Variants in PSPC1 observed in about 807,000 individuals in gnomAD.
PSPC1 encodes the protein paraspeckle protein 1.
PSPC1 carries 14 observed loss-of-function variants against 51.6 expected under a neutral mutation model. That is an observed-to-expected ratio of 0.27 (90% CI 0.18 to 0.42). The LOEUF (loss-of-function observed/expected upper bound fraction) is 0.42. Ranked by LOEUF, PSPC1 falls within the 10% of genes least tolerant of loss-of-function variation. The pLI, the probability that PSPC1 is intolerant of heterozygous loss-of-function variation, is 1.00. For missense variants in PSPC1, 406 were observed against 701.1 expected, an observed-to-expected ratio of 0.58 and a Z score of 4.75; for synonymous variants, 193 against 231.9, an observed-to-expected ratio of 0.83 and a Z score of 1.53.
In PSPC1 at chr13:19,702,756, T is replaced by C. The variant is rs1371384613; in HGVS notation, c.*419A>G. On this transcript the variant is annotated 3_prime_UTR_variant, in exon 9 of 9. Transcript: ENST00000338910. ...CTATCTTTAGTGCTACTTGCGCAAA[T>C]TAAAAAGCAAAATCATTTTCATTTT... 1 of 168,446 alleles carries C rather than the reference T, an allele frequency of 5.9e-6. No homozygotes were observed. The allele number at this position is 168,446 out of a possible 1,614,324, so 10.4% of individuals were successfully genotyped here.
At chr13:19,713,781 G>A (rs1051868079) in intron 6 of PSPC1, among the ~76,000 whole-genome samples, 2 of 152,076 alleles carry the variant, frequency 1.3e-5, no homozygotes, top group Admixed American at 6.6e-5. Flanking sequence ...TCATTGCAGC[G>A]GTTCTTAACG....
At chr13:19,712,043 CA>C (rs1881510051) in intron 6 of PSPC1, among the ~76,000 whole-genome samples, 1 of 152,092 alleles carries the variant, frequency 6.6e-6, no homozygotes, top group Non-Finnish European at 1.5e-5. Context: ...TCAAAACACC[CA>C]AAATCTTCTA....
chr13:19,733,840 C>T (rs1884440554), intron 5 of PSPC1, among the ~76,000 whole-genome samples: 1 of 151,196 alleles, frequency 6.6e-6, no homozygotes, highest in Admixed American at 6.6e-5. Context: ...GTAGTCCCTG[C>T]TACTAGGGAG....
intron 6 of PSPC1, among the ~76,000 whole-genome samples, chr13:19,721,422 C>T (rs1442493466): frequency 6.6e-6 from 1 of 152,238 alleles, no homozygotes; most frequent in East Asian, 1.9e-4. Flanking sequence ...AAAAATCTTA[C>T]CATTCTGAAC....
downstream of PSPC1, among the ~76,000 whole-genome samples, chr13:19,699,217 T>C (rs1879621655): frequency 6.6e-6 from 1 of 151,954 alleles, no homozygotes; most frequent in South Asian, 2.1e-4. Flanking sequence ...TTTTTTATTT[T>C]TTGTAGAGAC....
intron 7 of PSPC1, among the ~76,000 whole-genome samples, chr13:19,706,701 G>A (rs1029146470): frequency 6.6e-6 from 1 of 151,950 alleles, no homozygotes; most frequent in African/African-American, 2.4e-5. Flanking sequence ...CCTTTTAAGT[G>A]TTAGTACTTA....
At chr13:19,722,116 G>A (rs776167138) in intron 6 of PSPC1, among the ~76,000 whole-genome samples, 18 of 152,010 alleles carry the variant, frequency 1.2e-4, no homozygotes, top group South Asian at 6.2e-4. Context: ...TCGTGACCTC[G>A]AAAAATTCAG....
At chr13:19,775,115 G>C (rs1479173567) in intron 1 of PSPC1, among the ~76,000 whole-genome samples, 1 of 152,014 alleles carries the variant, frequency 6.6e-6, no homozygotes, top group East Asian at 1.9e-4. Flanking sequence ...GAGGCGGGCA[G>C]ATCACGAGGT....
chr13:19,713,864 C>T (rs1881759924), intron 6 of PSPC1, among the ~76,000 whole-genome samples: 1 of 152,140 alleles, frequency 6.6e-6, no homozygotes. Flanking sequence ...CATGTTTTCC[C>T]AGCACTAAGA....
At chr13:19,676,070 C>T (rs2137562579) in intron 7 of PSPC1, among the ~76,000 whole-genome samples, 1 of 152,250 alleles carries the variant, frequency 6.6e-6, no homozygotes, top group South Asian at 2.1e-4. Flanking sequence ...ACCTGATAAG[C>T]TTATAGAATC....
intron 6 of PSPC1, among the ~76,000 whole-genome samples, chr13:19,688,010 C>T (rs1395454852): frequency 3.3e-5 from 5 of 152,042 alleles, no homozygotes; most frequent in South Asian, 2.1e-4. Context: ...ATCTACTCCC[C>T]GAAACAGATA....
At chr13:19,736,487 T>C (rs977215578) in intron 5 of PSPC1, among the ~76,000 whole-genome samples, 7 of 151,830 alleles carry the variant, frequency 4.6e-5, no homozygotes, top group Non-Finnish European at 8.8e-5. Flanking sequence ...ATCGAGACCA[T>C]CCTGGCTAAC....
chr13:19,771,118 G>A (rs555977177), intron 2 of PSPC1, among the ~76,000 whole-genome samples: 38 of 151,820 alleles, frequency 2.5e-4, no homozygotes, highest in African/African-American at 8.4e-4. Flanking sequence ...CTGCCCCCAA[G>A]ATGTTTTTAT....
intron 4 of PSPC1, among the ~76,000 whole-genome samples, chr13:19,744,174 C>G (rs548371402): frequency 6.6e-6 from 1 of 152,214 alleles, no homozygotes; most frequent in South Asian, 2.1e-4. Flanking sequence ...CTCACTCTGG[C>G]ACCCAGGCTG....
At chr13:19,682,561 C>T (rs890668938) in intron 6 of PSPC1, among the ~76,000 whole-genome samples, 9 of 148,824 alleles carry the variant, frequency 6.0e-5, no homozygotes, top group African/African-American at 2.0e-4. Context: ...TTCACAACGT[C>T]AGGCTCACTA....
At chr13:19,762,725 C>CA (rs1177265361) in intron 2 of PSPC1, among the ~76,000 whole-genome samples, 3 of 152,216 alleles carry the variant, frequency 2.0e-5, no homozygotes, top group Non-Finnish European at 2.9e-5. Flanking sequence ...TTTCATTGTA[C>CA]ATACACCACT....
At position 19,719,633 on chromosome 13, in the gene PSPC1, T is replaced by C. The variant is rs371785114; in HGVS notation, c.1159-10034A>G. On this transcript the variant is annotated intron_variant, in intron 6 of 8. Coordinates refer to ENST00000338910, the MANE Select transcript of PSPC1 (RefSeq NM_001354909.2). ...CTTAAACCAAATACATTCAACAATG[T>C]ATTTTGAAAGCCTCGGTCAGGTAAT... Among the ~76,000 whole-genome samples the C allele has an allele frequency of 2.2e-3, 339 of 152,360 alleles. 11 individuals carry two copies. In the South Asian group the frequency reaches 0.053, roughly 24 times the overall value.
intron 1 of PSPC1, 131 bp from the exon 2 acceptor site, chr13:19,772,674 T>C (rs1215128023): frequency 1.3e-6 from 1 of 788,266 alleles, no homozygotes; most frequent in Non-Finnish European, 2.0e-6. Context: ...TTGTATCTTT[T>C]AACTTTGGTA....
intron 1 of PSPC1, among the ~76,000 whole-genome samples, chr13:19,774,451 CT>C (rs1336897870): frequency 6.6e-6 from 1 of 152,120 alleles, no homozygotes; most frequent in South Asian, 2.1e-4. Flanking sequence ...TGAAGTTACC[CT>C]TTTTAGAGAT....
Sources: gnomAD v4.1 joint callset for allele counts (sites outside exome capture counted in the v4.1 genomes callset) on GRCh38, gnomAD v4.1.1 for gene constraint, MANE v1.5 for transcripts, NCBI Gene and HGNC (gene_info 2026-07-23, HGNC 2026-07-21) for gene names.